The following ARSH variants were observed in gnomAD, a reference collection of about 807,000 sequenced individuals.
The protein encoded by ARSH is arylsulfatase H.
Under a neutral mutation model 28.7 loss-of-function variants are expected in ARSH, and 32 were observed. The ratio of observed to expected loss-of-function variants is 1.11; its 90% CI spans 0.84 to 1.50. The LOEUF (loss-of-function observed/expected upper bound fraction) is 1.50. Ranked by LOEUF, ARSH falls within the 40% of genes most tolerant of loss-of-function variation. ARSH has a pLI of 0.00. For synonymous variants in ARSH, 176 were observed against 177.3 expected (o/e 0.99, Z 0.06); for missense variants, 440 against 452.4 (o/e 0.97, Z 0.25).
intron 4 of ARSH, among the ~76,000 whole-genome samples, chrX:3,015,936 A>C (rs982393678): frequency 9.0e-6 from 1 of 111,607 alleles, no homozygotes; most frequent in Non-Finnish European, 1.9e-5. Flanking sequence ...AGGCAAAAAA[A>C]CAAAAACCAA....
chrX:3,023,350 TATACTC>T (rs2089889617), intron 5 of ARSH, among the ~76,000 whole-genome samples: 1 of 105,441 alleles, frequency 9.5e-6, no homozygotes, highest in South Asian at 4.0e-4. Context: ...ATTTATTACA[TATACTC>T]ATATTTTATC....
Position 3,013,080 on chromosome X carries a change from T to C in ARSH, c.248T>C (p.Phe83Ser). The C allele has an allele frequency of 8.3e-7, 1 of 1,211,127 alleles. No individual in the cohort carries two copies. Among genetic ancestry groups the C allele is most frequent in the Non-Finnish European group, 1.1e-6 (1 of 895,160 alleles). ...MVSAYNLNRA[F>S]TWLGGSGGLP... ...TCTGCCTACAACCTGAACCGTGCCT[T>C]CACGTGGCTTGGTGGGTCAGGTGGT... Residue 83 changes from phenylalanine to serine, a missense_variant, in exon 3 of 9, where the codon TTC (phenylalanine) becomes TCC (serine). By Grantham distance (155) the Phe-to-Ser change is radical. Coordinates refer to ENST00000381130, the MANE Select transcript of ARSH (RefSeq NM_001011719.2).
chrX:3,008,124 T>C (rs1261440373), intron 1 of ARSH, among the ~76,000 whole-genome samples: 1 of 112,269 alleles, frequency 8.9e-6, no homozygotes, highest in Non-Finnish European at 1.9e-5. Flanking sequence ...CTTAGCGTGA[T>C]GTTTTCAAGG....
At chrX:3,022,751 C>A (rs2089887695) in intron 5 of ARSH, among the ~76,000 whole-genome samples, 1 of 111,747 alleles carries the variant, frequency 8.9e-6, no homozygotes. Flanking sequence ...TAGATCTTAA[C>A]CATAACCCAA....
intron 6 of ARSH, among the ~76,000 whole-genome samples, chrX:3,025,191 T>C (rs1393089504): frequency 9.3e-6 from 1 of 108,068 alleles, no homozygotes; most frequent in Non-Finnish European, 1.9e-5. Flanking sequence ...CATATAATCC[T>C]ATATATATTC....
At chrX:3,015,722 G>A (rs1311899094) in intron 4 of ARSH, among the ~76,000 whole-genome samples, 1 of 110,403 alleles carries the variant, frequency 9.1e-6, no homozygotes, top group Non-Finnish European at 1.9e-5. Context: ...GAGACCAGGG[G>A]CACATGGTTG....
At chrX:3,011,718 T>G (rs2147452519) in intron 2 of ARSH, among the ~76,000 whole-genome samples, 1 of 112,444 alleles carries the variant, frequency 8.9e-6, no homozygotes, top group South Asian at 3.7e-4. Flanking sequence ...TATCAAAAAT[T>G]TCAGCAAAAC....
chrX:3,030,743 A>G (rs2089911652), intron 8 of ARSH, among the ~76,000 whole-genome samples: 2 of 111,797 alleles, frequency 1.8e-5, no homozygotes, highest in African/African-American at 6.5e-5. Context: ...GGGGATTATT[A>G]CAACTCAAGG....
chrX:3,009,204 T>G (rs1479619075), intron 1 of ARSH, among the ~76,000 whole-genome samples: 1 of 110,501 alleles, frequency 9.0e-6, no homozygotes, highest in African/African-American at 3.3e-5. Context: ...AGGCCAGGTG[T>G]GGTGGATCAC....
intron 1 of ARSH, among the ~76,000 whole-genome samples, chrX:3,008,490 T>TTTCTTTCTTTCTTTCTTCCC (rs1569121841): frequency 9.7e-6 from 1 of 103,419 alleles, no homozygotes; most frequent in East Asian, 3.0e-4. Flanking sequence ...TCTTTCTTTC[T>TTTCTTTCTTTCTTTCTTCCC]TTCTTTCTTT....
chrX:3,028,325 C>T (rs2089904395), intron 7 of ARSH, among the ~76,000 whole-genome samples: 1 of 109,345 alleles, frequency 9.1e-6, no homozygotes, highest in African/African-American at 3.3e-5. Flanking sequence ...ATTCTTCTGC[C>T]TCAGCCTCCT....
chrX:3,020,472 C>T (rs1300161409), intron 5 of ARSH, among the ~76,000 whole-genome samples: 7 of 103,791 alleles, frequency 6.7e-5, no homozygotes, highest in African/African-American at 2.4e-4. Context: ...GCCTGTAGTC[C>T]CAGCTACTCC....
At position 3,024,128 on chromosome X, in the gene ARSH, C is replaced by G. The variant is rs2089892359; in HGVS notation, c.1009C>G (p.Leu337Val). ...HLEPLDGAVQ[L>V]GGWNGIYKGG... ...GGAGCCCCTGGACGGGGCTGTTCAGCTGGGTGGCTGGAACGGGATCTACAA... is the reference window on the plus strand; with the variant it reads ...GGAGCCCCTGGACGGGGCTGTTCAGGTGGGTGGCTGGAACGGGATCTACAA... The change falls in exon 6 of 9, where the codon CTG becomes GTG. Residue 337 changes from leucine (L) to valine (V), a missense_variant. By Grantham distance (32) the Leu-to-Val change is conservative. Transcript: ENST00000381130. 1 of 1,194,141 alleles carries G rather than the reference C, an allele frequency of 8.4e-7. No homozygotes were observed. The highest frequency in any genetic ancestry group is 1.8e-5 in the African/African-American group (1 of 56,073).
At chrX:3,029,408 G>C (rs750240680) in intron 8 of ARSH, 40 bp downstream of exon 8, 1 of 1,180,736 alleles carries the variant, frequency 8.5e-7, no homozygotes, top group African/African-American at 1.8e-5. Context: ...AGACGATAAG[G>C]GCCCGGTTCC....
At chrX:3,025,906 T>A (rs1411592304) in intron 6 of ARSH, among the ~76,000 whole-genome samples, 4 of 110,980 alleles carry the variant, frequency 3.6e-5, no homozygotes, top group Admixed American at 2.9e-4. Flanking sequence ...GGAATAGGAC[T>A]GGCAAAATTG....
chrX:3,013,433 G>A (rs966193584), intron 3 of ARSH, among the ~76,000 whole-genome samples: 4 of 111,257 alleles, frequency 3.6e-5, no homozygotes, highest in Non-Finnish European at 7.5e-5. Flanking sequence ...GTGTTGGAGG[G>A]ATACGATGTT....
At chrX:3,021,339 T>C (rs931224885) in intron 5 of ARSH, among the ~76,000 whole-genome samples, 1 of 112,041 alleles carries the variant, frequency 8.9e-6, no homozygotes, top group Non-Finnish European at 1.9e-5. Context: ...AAGCTAGCAA[T>C]TGCATTATTA....
chrX:3,023,947 G>C (rs1423592701), intron 5 of ARSH, 74 bp from the exon 6 acceptor site: 4 of 1,101,325 alleles, frequency 3.6e-6, no homozygotes, highest in Non-Finnish European at 5.0e-6. Context: ...TAAATACATA[G>C]TAGCAGATAT....
chrX:3,010,633 C>A (rs2089844162), intron 2 of ARSH, among the ~76,000 whole-genome samples: 1 of 112,284 alleles, frequency 8.9e-6, no homozygotes, highest in East Asian at 2.8e-4. Context: ...TTTAGACTTA[C>A]CAAGTTGATA....
Sources: allele counts gnomAD v4.1 joint callset (sites outside exome capture counted in the v4.1 genomes callset), GRCh38; gene constraint gnomAD v4.1.1; transcripts MANE v1.5; gene names NCBI Gene and HGNC (gene_info 2026-07-23, HGNC 2026-07-21).